HSPA12A: variants seen among roughly 807,000 people sequenced by gnomAD.
The protein encoded by HSPA12A is heat shock 70 kDa protein 12A.
HSPA12A carries 28 observed loss-of-function variants against 69.2 expected under a neutral mutation model. The ratio of observed to expected loss-of-function variants is 0.40; its 90% CI spans 0.30 to 0.55. HSPA12A has a LOEUF of 0.55. Ranked by LOEUF, HSPA12A falls within the 20% of genes least tolerant of loss-of-function variation. The probability of loss-of-function intolerance (pLI) is 0.38; values close to 1 mark genes in which losing one functional copy is unlikely to be tolerated. For synonymous variants in HSPA12A, 345 were observed against 370.5 expected (o/e 0.93, Z 0.79); for missense variants, 686 against 900.7 (o/e 0.76, Z 3.05).
At chr10:116,687,851 A>G (rs782143962) in intron 6 of HSPA12A, among the ~76,000 whole-genome samples, 2 of 152,336 alleles carry the variant, frequency 1.3e-5, no homozygotes, top group South Asian at 4.1e-4. Flanking sequence ...CCTGCCAAGC[A>G]CTTAACATAT....
chr10:116,799,511 G>A lies in HSPA12A; in HGVS notation c.91+35424C>T, dbSNP rs189415346. On this transcript the variant is annotated intron_variant, in intron 2 of 12. Transcript: ENST00000635765. Reference sequence around the variant, plus strand: ...CACAAATGTGCACACACACGCACACGCACACTCATGCGCACAGACACAATG... The same window carrying A: ...CACAAATGTGCACACACACGCACACACACACTCATGCGCACAGACACAATG... Among the ~76,000 whole-genome samples, 29 of 152,172 alleles carry A rather than the reference G, an allele frequency of 1.9e-4. No homozygotes were observed. The Middle Eastern group carries it at 0.01, about 54-fold the overall frequency.
At chr10:116,796,485 C>A (rs1302812190) in intron 2 of HSPA12A, among the ~76,000 whole-genome samples, 1 of 152,180 alleles carries the variant, frequency 6.6e-6, no homozygotes, top group Non-Finnish European at 1.5e-5. Flanking sequence ...GGACCCCACG[C>A]TGTCCCTGCC....
chr10:116,694,621 T>C (rs1358365441), intron 5 of HSPA12A, among the ~76,000 whole-genome samples: 1 of 152,106 alleles, frequency 6.6e-6, no homozygotes, highest in African/African-American at 2.4e-5. Flanking sequence ...CTGGGCTTTC[T>C]GAGTCCTAAA....
intron 2 of HSPA12A, among the ~76,000 whole-genome samples, chr10:116,705,857 C>G (rs938874711): frequency 3.3e-5 from 5 of 151,320 alleles, no homozygotes; most frequent in African/African-American, 1.2e-4. Context: ...ATCACTTGGT[C>G]AGGCTATTTC....
intron 1 of HSPA12A, among the ~76,000 whole-genome samples, chr10:116,837,339 T>A (rs953869375): frequency 2.6e-5 from 4 of 152,214 alleles, no homozygotes; most frequent in African/African-American, 9.6e-5. Context: ...CGACACGCCA[T>A]GCTGCCCGCT....
In HSPA12A at chr10:116,797,749, T is replaced by C. The variant is rs565294010; in HGVS notation, c.91+37186A>G. ...CGTCAACTGCTGAGAGCTGTGTACGTGGCTCTGTGAGGGGCAGGGATGAAC... is the reference window on the plus strand; with the variant it reads ...CGTCAACTGCTGAGAGCTGTGTACGCGGCTCTGTGAGGGGCAGGGATGAAC... On this transcript the variant is annotated intron_variant, in intron 2 of 12. Transcript: ENST00000635765. 5.9e-5 allele frequency among the ~76,000 whole-genome samples: 9 copies of C among 152,260 alleles called. No individual in the cohort carries two copies. In the South Asian group the frequency reaches 1.7e-3, roughly 28 times the overall value.
At chr10:116,735,149 G>C (rs1384508337) in intron 1 of HSPA12A, among the ~76,000 whole-genome samples, 9 of 152,174 alleles carry the variant, frequency 5.9e-5, no homozygotes, top group African/African-American at 1.7e-4. Flanking sequence ...ACAAATAATT[G>C]TAAGTGTCAG....
intron 2 of HSPA12A, among the ~76,000 whole-genome samples, chr10:116,793,588 AAAC>A (rs1200402371): frequency 1.2e-4 from 18 of 151,604 alleles, no homozygotes; most frequent in African/African-American, 3.1e-4. Context: ...AACAACAAAC[AAAC>A]AAAAAAAACC....
At chr10:116,768,136 G>C in intron 2 of HSPA12A, among the ~76,000 whole-genome samples, 1 of 152,128 alleles carries the variant, frequency 6.6e-6, no homozygotes, top group East Asian at 1.9e-4. Flanking sequence ...GATCAAATGT[G>C]TTCTCTCCAT....
chr10:116,844,995 T>C (rs976661079), intron 1 of HSPA12A, among the ~76,000 whole-genome samples: 3 of 152,176 alleles, frequency 2.0e-5, no homozygotes, highest in South Asian at 2.1e-4. Flanking sequence ...TGCAATAGAT[T>C]ATGTCCTGAT....
At chr10:116,696,816 G>A (rs1849920199) in intron 5 of HSPA12A, among the ~76,000 whole-genome samples, 1 of 152,072 alleles carries the variant, frequency 6.6e-6, no homozygotes, top group Non-Finnish European at 1.5e-5. Context: ...TCCCACAGCT[G>A]TTTGTCTGCT....
chr10:116,808,084 C>A (rs1845102721), intron 2 of HSPA12A, among the ~76,000 whole-genome samples: 1 of 152,204 alleles, frequency 6.6e-6, no homozygotes, highest in Admixed American at 6.5e-5. Flanking sequence ...GGTTCCAAGA[C>A]AATGCCAGCT....
At position 116,674,682 on chromosome 10, in the gene HSPA12A, G is replaced by A; in HGVS notation, c.*99C>T. ...ATCTTCCCTGCTGAAATTCACATGG[G>A]CAATGGTGAGGGTCAAGGTTAGGGA... On this transcript the variant is annotated 3_prime_UTR_variant, in exon 12 of 12. Transcript: ENST00000369209. 1 of 1,210,160 alleles carries A rather than the reference G, an allele frequency of 8.3e-7. No homozygotes were observed. Among genetic ancestry groups the A allele is most frequent in the Non-Finnish European group, 1.2e-6 (1 of 859,378 alleles). The allele number at this position is 1,210,160 out of a possible 1,614,324, so 75.0% of individuals were successfully genotyped here.
intron 1 of HSPA12A, among the ~76,000 whole-genome samples, chr10:116,709,239 G>A (rs1554882815): frequency 6.6e-6 from 1 of 152,180 alleles, no homozygotes; most frequent in Non-Finnish European, 1.5e-5. Context: ...TTGAGGTCAG[G>A]AGCTGAAGAC....
intron 1 of HSPA12A, among the ~76,000 whole-genome samples, chr10:116,849,004 G>T (rs1845965356): frequency 6.6e-6 from 1 of 152,206 alleles, no homozygotes; most frequent in African/African-American, 2.4e-5. Context: ...TGAGCCGAAT[G>T]AAAGAATTCC....
chr10:116,786,394 C>T (rs1844578149), intron 2 of HSPA12A, among the ~76,000 whole-genome samples: 1 of 151,724 alleles, frequency 6.6e-6, no homozygotes, highest in Admixed American at 6.6e-5. Context: ...GGCCTATGGC[C>T]CCTCAGGTAG....
At chr10:116,715,231 T>A (rs148701758) in intron 1 of HSPA12A, among the ~76,000 whole-genome samples, 167 of 152,314 alleles carry the variant, frequency 1.1e-3, no homozygotes, top group Middle Eastern at 3.4e-3. Context: ...CAATTTGCAC[T>A]GATAATTTCC....
intron 2 of HSPA12A, among the ~76,000 whole-genome samples, chr10:116,773,639 G>T (rs1554890737): frequency 6.6e-6 from 1 of 152,212 alleles, no homozygotes; most frequent in Non-Finnish European, 1.5e-5. Flanking sequence ...AGCTCACAGT[G>T]GGGGCCTCAG....
intron 2 of HSPA12A, among the ~76,000 whole-genome samples, chr10:116,795,321 C>T (rs1844794346): frequency 6.6e-6 from 1 of 152,002 alleles, no homozygotes; most frequent in Admixed American, 6.6e-5. Flanking sequence ...ATAGCTTTTT[C>T]CTACATTTGA....
Sources: gnomAD v4.1 joint callset for allele counts (sites outside exome capture counted in the v4.1 genomes callset) on GRCh38, gnomAD v4.1.1 for gene constraint, MANE v1.5 for transcripts, NCBI Gene and HGNC (gene_info 2026-07-23, HGNC 2026-07-21) for gene names.